CDC73: variants seen among roughly 807,000 people sequenced by gnomAD.
CDC73 encodes parafibromin.
Under a neutral mutation model 83.7 loss-of-function variants are expected in CDC73, and 21 were observed. The ratio of observed to expected loss-of-function variants is 0.25; its 90% CI spans 0.18 to 0.36. The LOEUF (loss-of-function observed/expected upper bound fraction) is 0.36, where lower values mean the gene tolerates loss of function less well. Among genes scored for constraint, CDC73 ranks in the 10% least tolerant of loss-of-function variants. CDC73 has a pLI of 1.00. For missense variants in CDC73, 342 were observed against 653.3 expected (o/e 0.52, Z 5.19); for synonymous variants, 224 against 212.9 (o/e 1.05, Z -0.45).
intron 3 of CDC73, among the ~76,000 whole-genome samples, chr1:193,134,575 G>A (rs1675756053): frequency 1.3e-5 from 2 of 152,156 alleles, no homozygotes; most frequent in South Asian, 4.1e-4. Context: ...GGAGGCTGAG[G>A]CAGGAAAATG....
chr1:193,188,664 C>G lies in CDC73; in HGVS notation c.973-15131C>G, dbSNP rs942795167. On this transcript the variant is annotated intron_variant, in intron 10 of 16. Coordinates refer to ENST00000367435, the MANE Select transcript of CDC73 (RefSeq NM_024529.5). ...AGGAAAGGACTAAATAATTATTATT[C>G]TTTTGCCAGTTCTTTTGATTGGATT... Among the ~76,000 whole-genome samples the G allele has an allele frequency of 2.0e-5, 3 of 151,896 alleles. No individual in the cohort carries two copies. The South Asian group carries it at 6.2e-4, about 31-fold the overall frequency.
rs1386411327 is a variant in CDC73, at chr1:193,253,536, GTTTAATA to G, written c.*2830_*2836del. 1.7e-5 allele frequency: 4 copies of G among 231,808 alleles called. No homozygotes were observed. In the South Asian group the frequency reaches 5.4e-4, roughly 32 times the overall value. 14.4% of individuals were successfully genotyped at this position (231,808 alleles called of 1,614,324 possible). A position where few individuals can be genotyped will look rare whatever the true frequency, so the allele number is the denominator to read the frequency against. On this transcript the variant is annotated 3_prime_UTR_variant, in exon 17 of 17. Transcript: ENST00000367435. Reference sequence around the variant, plus strand: ...TTATTTAATATAGGAGTATTTTACTGTTTAATATTTAAACAATGTTTAATGTATTTCA... The same window carrying G: ...TTATTTAATATAGGAGTATTTTACTGTTTAAACAATGTTTAATGTATTTCA...
chr1:193,196,078 C>T lies in CDC73; in HGVS notation c.973-7717C>T, dbSNP rs375384451. Among the ~76,000 whole-genome samples, 16 of 152,280 alleles carry T rather than the reference C, an allele frequency of 1.1e-4. No homozygotes were observed. The East Asian group carries it at 3.1e-3, about 29-fold the overall frequency. On this transcript the variant is annotated intron_variant, in intron 10 of 16. Coordinates refer to ENST00000367435, the MANE Select transcript of CDC73 (RefSeq NM_024529.5). ...AAGACATCAGTGCTAAATTCAGTTT[C>T]ATGAAGCTTTTCCTCTGTTTTCTTC...
chr1:193,169,967 G>A (rs914134645), intron 10 of CDC73, among the ~76,000 whole-genome samples: 15 of 152,032 alleles, frequency 9.9e-5, no homozygotes, highest in African/African-American at 3.6e-4. Context: ...CCCTCCGACA[G>A]GCCCCAGTAT....
intron 10 of CDC73, among the ~76,000 whole-genome samples, chr1:193,177,670 G>C (rs1311836640): frequency 1.3e-5 from 2 of 152,096 alleles, no homozygotes; most frequent in East Asian, 3.9e-4. Flanking sequence ...GATCATGTAT[G>C]TAAAGTGCTT....
intron 10 of CDC73, among the ~76,000 whole-genome samples, chr1:193,160,779 G>A (rs777719809): frequency 7.9e-5 from 12 of 151,806 alleles, no homozygotes; most frequent in Non-Finnish European, 1.6e-4. Flanking sequence ...CTTTATGACA[G>A]ATGTTTTAAA....
At chr1:193,153,977 G>A (rs1676164285) in intron 10 of CDC73, among the ~76,000 whole-genome samples, 1 of 152,132 alleles carries the variant, frequency 6.6e-6, no homozygotes, top group African/African-American at 2.4e-5. Flanking sequence ...GCTAGAGTTT[G>A]GAGAACTAAG....
At chr1:193,147,436 T>TG (rs1042475286) in intron 7 of CDC73, among the ~76,000 whole-genome samples, 7 of 151,272 alleles carry the variant, frequency 4.6e-5, no homozygotes, top group African/African-American at 1.7e-4. Context: ...GGCATGATCT[T>TG]GGCTCACTGC....
intron 10 of CDC73, among the ~76,000 whole-genome samples, chr1:193,174,071 C>T (rs374979623): frequency 6.6e-6 from 1 of 151,192 alleles, no homozygotes; most frequent in South Asian, 2.1e-4. Flanking sequence ...TTTCCCATTA[C>T]GTTTCTTCTG....
rs748060117 is a variant in CDC73, at chr1:193,141,944, G to A, written c.607G>A (p.Asp203Asn). 6.2e-7 allele frequency: 1 copy of A among 1,613,774 alleles called. No individual in the cohort carries two copies. The highest frequency in any genetic ancestry group is 1.7e-5 in the Admixed American group (1 of 60,016). The change falls in exon 7 of 17, where the codon GAT (aspartate) becomes AAT (asparagine). Residue 203 changes from aspartate (D) to asparagine (N), a missense_variant. Physicochemically the swap from Asp to Asn is conservative, Grantham distance 23 (BLOSUM62 1). Coordinates refer to ENST00000367435, the MANE Select transcript of CDC73 (RefSeq NM_024529.5). Reference protein sequence around the residue: ...KRSTIKTDLDDDITALKQRSF... With the variant: ...KRSTIKTDLDNDITALKQRSF... The stretch of plus-strand genomic sequence containing the variant: ...ATCTACTATCAAGACTGATCTAGAT[G>A]ATGACATAACTGCCCTTAAACAGAG...
At chr1:193,217,218 G>T (rs1677383536) in intron 13 of CDC73, among the ~76,000 whole-genome samples, 1 of 152,140 alleles carries the variant, frequency 6.6e-6, no homozygotes, top group Admixed American at 6.5e-5. Context: ...GCATTGTCTA[G>T]GGGTGAATGT....
chr1:193,215,680 C>T (rs1393860743), intron 13 of CDC73, among the ~76,000 whole-genome samples: 2 of 148,874 alleles, frequency 1.3e-5, no homozygotes, highest in Non-Finnish European at 3.0e-5. Context: ...ACCTCTGCCT[C>T]CTGGGCTCAA....
chr1:193,230,755 T>G (rs1677650074), intron 13 of CDC73, among the ~76,000 whole-genome samples: 1 of 152,150 alleles, frequency 6.6e-6, no homozygotes, highest in African/African-American at 2.4e-5. Flanking sequence ...TTTGATGAAC[T>G]GCAGTAGGGT....
chr1:193,235,053 C>T (rs1677733572), intron 14 of CDC73, among the ~76,000 whole-genome samples: 3 of 151,922 alleles, frequency 2.0e-5, no homozygotes, highest in South Asian at 2.1e-4. Flanking sequence ...TGTCTGCAGT[C>T]GTCATTAATT....
chr1:193,198,614 A>G (rs1235971994), intron 10 of CDC73, among the ~76,000 whole-genome samples: 4 of 152,252 alleles, frequency 2.6e-5, no homozygotes, highest in Non-Finnish European at 5.9e-5. Flanking sequence ...TAGTAGCACA[A>G]ATGTCCTAAG....
intron 1 of CDC73, 64 bp from the exon 2 acceptor site, chr1:193,125,048 G>T (rs544420120): frequency 2.4e-6 from 2 of 844,086 alleles, no homozygotes; most frequent in South Asian, 1.3e-5. Context: ...TTATATAAAT[G>T]AATCCAGCCT....
At chr1:193,192,681 A>G (rs560517936) in intron 10 of CDC73, among the ~76,000 whole-genome samples, 1 of 152,338 alleles carries the variant, frequency 6.6e-6, no homozygotes, top group Admixed American at 6.5e-5. Context: ...GTACTCAGAC[A>G]CTGATATTCA....
intron 10 of CDC73, chr1:193,179,225 T>C (rs1676666183): frequency 6.6e-6 from 1 of 152,330 alleles, no homozygotes; most frequent in African/African-American, 2.4e-5. Flanking sequence ...GTTTGCAAAC[T>C]TGGCACTCCA....
At chr1:193,223,556 C>A (rs920328651) in intron 13 of CDC73, among the ~76,000 whole-genome samples, 1 of 152,052 alleles carries the variant, frequency 6.6e-6, no homozygotes, top group African/African-American at 2.4e-5. Context: ...AGAGGGTGAA[C>A]AGTGAGTTTA....
Sources: allele counts gnomAD v4.1 joint callset (sites outside exome capture counted in the v4.1 genomes callset), GRCh38; gene constraint gnomAD v4.1.1; transcripts MANE v1.5; gene names NCBI Gene and HGNC (gene_info 2026-07-23, HGNC 2026-07-21).